The following CD86 variants were observed in gnomAD, a reference collection of about 807,000 sequenced individuals.
CD86 encodes the protein CD86 molecule.
CD86 carries 11 observed loss-of-function variants against 32.1 expected under a neutral mutation model. That is an observed-to-expected ratio of 0.34 (90% CI 0.22 to 0.57). CD86 has a LOEUF of 0.57. Ranked by LOEUF, CD86 falls within the 20% of genes least tolerant of loss-of-function variation. CD86 has a pLI of 0.86. For synonymous variants in CD86, 137 were observed against 135.3 expected (o/e 1.01, Z -0.09); for missense variants, 359 against 398.4 (o/e 0.90, Z 0.84).
At position 122,118,040 on chromosome 3, in the gene CD86, T is replaced by C. The variant is rs767575031; in HGVS notation, c.848-8T>C. The stretch of plus-strand genomic sequence containing the variant: ...ACATTTTTGAAGATTGTTCTTGGTG[T>C]CTTTCAGGAACCAACACAATGGAGA... On this transcript the variant is annotated splice_polypyrimidine_tract_variant and splice_region_variant and intron_variant, in intron 5 of 6. Coordinates refer to ENST00000330540, the MANE Select transcript of CD86 (RefSeq NM_175862.5). 6.2e-7 allele frequency: 1 copy of C among 1,612,476 alleles called. No individual in the cohort carries two copies. Among genetic ancestry groups the C allele is most frequent in the Admixed American group, 1.7e-5 (1 of 59,960 alleles).
intron 1 of CD86, among the ~76,000 whole-genome samples, chr3:122,089,749 T>C (rs1247524589): frequency 6.6e-6 from 1 of 152,196 alleles, no homozygotes; most frequent in East Asian, 1.9e-4. Context: ...AGGTTTTCCA[T>C]TGCAACAAAA....
intron 1 of CD86, among the ~76,000 whole-genome samples, chr3:122,084,626 C>G (rs1457289651): frequency 3.3e-5 from 5 of 152,090 alleles, no homozygotes; most frequent in Admixed American, 3.3e-4. Flanking sequence ...TTGACCCAAA[C>G]AGCTATACAG....
intron 1 of CD86, among the ~76,000 whole-genome samples, chr3:122,069,018 C>T (rs1181896281): frequency 2.6e-5 from 4 of 152,192 alleles, no homozygotes; most frequent in Non-Finnish European, 5.9e-5. Flanking sequence ...TTGTAACCTA[C>T]ACAACTAGCT....
At chr3:122,109,611 G>A (rs556696839) in intron 5 of CD86, among the ~76,000 whole-genome samples, 22 of 152,330 alleles carry the variant, frequency 1.4e-4, no homozygotes, top group Admixed American at 1.3e-3. Context: ...AAAGAAAGGC[G>A]ACATTTCTAA....
chr3:122,065,760 G>A (rs2681410), intron 1 of CD86, among the ~76,000 whole-genome samples: 17,496 of 152,200 alleles, frequency 0.11, 1,070 homozygotes, highest in Non-Finnish European at 0.14. Context: ...TCTGGACCCA[G>A]CCATTCCAAC....
chr3:122,070,994 A>G (rs1303718859), intron 1 of CD86, among the ~76,000 whole-genome samples: 1 of 152,018 alleles, frequency 6.6e-6, no homozygotes, highest in East Asian at 1.9e-4. Flanking sequence ...ACAGTTTTAG[A>G]TTTTCAAAAA....
intron 1 of CD86, among the ~76,000 whole-genome samples, chr3:122,061,670 T>C (rs1333795146): frequency 1.3e-5 from 2 of 152,142 alleles, no homozygotes; most frequent in Non-Finnish European, 2.9e-5. Flanking sequence ...ATGGTTAAAA[T>C]AATAAAAGAT....
At chr3:122,089,217 T>C (rs1220811415) in intron 1 of CD86, among the ~76,000 whole-genome samples, 3 of 152,160 alleles carry the variant, frequency 2.0e-5, no homozygotes, top group African/African-American at 7.2e-5. Flanking sequence ...AGGCTTAGTT[T>C]TGCAAGATGA....
chr3:122,082,336 T>G (rs765839235), intron 1 of CD86, among the ~76,000 whole-genome samples: 1 of 152,214 alleles, frequency 6.6e-6, no homozygotes, highest in Non-Finnish European at 1.5e-5. Context: ...GGAAGGGCCC[T>G]TACATATTTG....
intron 5 of CD86, among the ~76,000 whole-genome samples, chr3:122,110,705 A>G (rs533559264): frequency 3.9e-5 from 6 of 152,320 alleles, no homozygotes; most frequent in African/African-American, 1.4e-4. Flanking sequence ...CGAGATTTCT[A>G]TGATATAAAA....
intron 1 of CD86, among the ~76,000 whole-genome samples, chr3:122,088,364 G>T (rs2072758946): frequency 6.6e-6 from 1 of 151,952 alleles, no homozygotes; most frequent in Non-Finnish European, 1.5e-5. Flanking sequence ...TTGGGTCTTT[G>T]GCCTTTTTCT....
intron 2 of CD86, among the ~76,000 whole-genome samples, chr3:122,099,166 A>T (rs2072956816): frequency 6.6e-6 from 1 of 152,214 alleles, no homozygotes; most frequent in Non-Finnish European, 1.5e-5. Context: ...GATTTGAGAA[A>T]ATTAACAAGG....
rs9282644 is a variant in CD86 at position 122,078,017 on chromosome 3, G to A, written c.15-13584G>A. 6.8e-5 allele frequency: 67 copies of A among 985,618 alleles called. 1 individual carries two copies. In the African/African-American group the frequency reaches 1.1e-3, roughly 16 times the overall value. The allele number at this position is 985,618 out of a possible 1,614,324, so 61.1% of individuals were successfully genotyped here. A position where few individuals can be genotyped will look rare whatever the true frequency, so the allele number is the denominator to read the frequency against. ...TGCTTATGCATCTGGTCTCTTTTTGGAGCTACAGTGGACAGGCATTTGTGA... is the reference window on the plus strand; with the variant it reads ...TGCTTATGCATCTGGTCTCTTTTTGAAGCTACAGTGGACAGGCATTTGTGA... On this transcript the variant is annotated intron_variant, in intron 1 of 6. Transcript: ENST00000330540.
intron 1 of CD86, chr3:122,086,557 G>C (rs182040269): frequency 2.1e-6 from 1 of 473,350 alleles, no homozygotes; most frequent in Non-Finnish European, 4.3e-6. Context: ...TGGCTTAGAT[G>C]GTCCACAGTA....
intron 6 of CD86, 120 bp downstream of exon 6, chr3:122,118,213 G>A (rs1481742913): frequency 1.0e-5 from 8 of 783,274 alleles, no homozygotes; most frequent in Non-Finnish European, 1.5e-5. Flanking sequence ...TAATGGAGAG[G>A]GAGAGGAAAA....
At chr3:122,117,957 C>A in intron 5 of CD86, 91 bp from the exon 6 acceptor site, 1 of 1,011,138 alleles carries the variant, frequency 9.9e-7, no homozygotes, top group Non-Finnish European at 1.5e-6. Flanking sequence ...ATTTCTCTCT[C>A]AGTCCCAGAA....
intron 5 of CD86, among the ~76,000 whole-genome samples, chr3:122,113,692 T>A (rs976399519): frequency 1.3e-5 from 2 of 152,180 alleles, no homozygotes; most frequent in Non-Finnish European, 2.9e-5. Flanking sequence ...AACACCATTA[T>A]TTTTAAGAAG....
intron 5 of CD86, among the ~76,000 whole-genome samples, chr3:122,114,931 A>G (rs2073227526): frequency 6.6e-6 from 1 of 152,186 alleles, no homozygotes; most frequent in Admixed American, 6.5e-5. Flanking sequence ...ATGATAGAAG[A>G]CTGATTGCTT....
chr3:122,104,637 C>T (rs2073063211), intron 3 of CD86, among the ~76,000 whole-genome samples: 2 of 152,282 alleles, frequency 1.3e-5, no homozygotes, highest in Admixed American at 1.3e-4. Flanking sequence ...CACTCATAAC[C>T]CTTGTTGGGC....
Sources: allele counts gnomAD v4.1 joint callset (sites outside exome capture counted in the v4.1 genomes callset), GRCh38; gene constraint gnomAD v4.1.1; transcripts MANE v1.5; gene names NCBI Gene and HGNC (gene_info 2026-07-23, HGNC 2026-07-21).